The following NEK11 variants were observed in gnomAD, a reference collection of about 807,000 sequenced individuals.
NEK11 encodes NIMA related kinase 11, also known as serine/threonine-protein kinase Nek11.
In NEK11, 72 loss-of-function variants were observed where a neutral mutation model predicts 80.7. The observed-to-expected ratio is 0.89, with a 90% CI of 0.74 to 1.08. The LOEUF is 1.08. NEK11 is among the 50% of genes least tolerant of loss of function. NEK11 has a pLI of 0.00. For synonymous variants in NEK11, 251 were observed against 260.7 expected (o/e 0.96, Z 0.36); for missense variants, 764 against 763.6 (o/e 1.00, Z -0.01).
chr3:131,099,607 T>A (rs1224182859), intron 4 of NEK11, among the ~76,000 whole-genome samples: 1 of 152,214 alleles, frequency 6.6e-6, no homozygotes, highest in African/African-American at 2.4e-5. Context: ...AAGTATGGAA[T>A]GTTTTTTCCA....
chr3:131,170,076 A>T (rs2092578292), intron 13 of NEK11, among the ~76,000 whole-genome samples: 2 of 152,156 alleles, frequency 1.3e-5, no homozygotes, highest in Admixed American at 1.3e-4. Flanking sequence ...TTTCTTTTAA[A>T]TTTTCTTTTA....
intron 17 of NEK11, among the ~76,000 whole-genome samples, chr3:131,306,723 T>G (rs1236666260): frequency 6.6e-6 from 1 of 152,200 alleles, no homozygotes; most frequent in Non-Finnish European, 1.5e-5. Flanking sequence ...TTCCCCCTAC[T>G]GGAAGCATGG....
intron 17 of NEK11, among the ~76,000 whole-genome samples, chr3:131,312,449 C>G (rs2096791490): frequency 6.6e-6 from 1 of 152,094 alleles, no homozygotes; most frequent in African/African-American, 2.4e-5. Flanking sequence ...TTCTAAGCTT[C>G]AACATATGTA....
intron 5 of NEK11, among the ~76,000 whole-genome samples, chr3:131,114,007 G>T (rs1389572546): frequency 6.6e-6 from 1 of 151,868 alleles, no homozygotes. Context: ...TGTATTTCTG[G>T]GAATTTGGAG....
chr3:131,235,876 A>G (rs2095422596), intron 15 of NEK11, among the ~76,000 whole-genome samples: 1 of 152,210 alleles, frequency 6.6e-6, no homozygotes. Flanking sequence ...TAAGTATAGA[A>G]CTTAATGTAG....
chr3:131,328,345 A>AT (rs1407652296), intron 17 of NEK11: 9 of 152,032 alleles, frequency 5.9e-5, no homozygotes, highest in Non-Finnish European at 1.3e-4. Flanking sequence ...TGACAGGAAT[A>AT]TTGTTTTAAA....
At chr3:131,124,830 T>C (rs1303093591) in intron 5 of NEK11, among the ~76,000 whole-genome samples, 1 of 152,204 alleles carries the variant, frequency 6.6e-6, no homozygotes, top group Non-Finnish European at 1.5e-5. Flanking sequence ...AACAGACCTA[T>C]GTGAGAATAG....
At chr3:131,266,301 G>A (rs371406388) in intron 16 of NEK11, among the ~76,000 whole-genome samples, 21 of 152,238 alleles carry the variant, frequency 1.4e-4, no homozygotes, top group African/African-American at 4.8e-4. Context: ...TGTGATGTTA[G>A]GGTGTCAATT....
At chr3:131,223,914 C>T (rs1013349385) in intron 14 of NEK11, among the ~76,000 whole-genome samples, 21 of 151,972 alleles carry the variant, frequency 1.4e-4, no homozygotes, top group South Asian at 2.1e-4. Context: ...AGAAATTATT[C>T]TATTTAAAAT....
intron 17 of NEK11, among the ~76,000 whole-genome samples, chr3:131,346,090 G>A (rs72993143): frequency 0.12 from 18,153 of 152,056 alleles, 1,536 homozygotes; most frequent in East Asian, 0.3. Flanking sequence ...CAGTAGATAC[G>A]TAGGATGGAC....
intron 14 of NEK11, among the ~76,000 whole-genome samples, chr3:131,200,155 T>C (rs2094171886): frequency 6.6e-6 from 1 of 152,188 alleles, no homozygotes; most frequent in Admixed American, 6.5e-5. Flanking sequence ...AGGAAACTAA[T>C]TGCTAATCTA....
rs560323043 is a variant in NEK11, at chr3:131,043,932, A to G, written c.170+14054A>G. On this transcript the variant is annotated intron_variant, in intron 3 of 17. Transcript: ENST00000383366. ...ACAGACCTCTCTGCAGAAACCCTACATGCCAGAAGAGAGTGGGGGCCAATA... is the reference window on the plus strand; with the variant it reads ...ACAGACCTCTCTGCAGAAACCCTACGTGCCAGAAGAGAGTGGGGGCCAATA... Among the ~76,000 whole-genome samples the G allele has an allele frequency of 3.9e-5, 6 of 152,328 alleles. No individual in the cohort carries two copies. In the South Asian group the frequency reaches 1.2e-3, roughly 32 times the overall value.
At chr3:131,086,996 AT>A (rs1241251718) in intron 4 of NEK11, among the ~76,000 whole-genome samples, 1 of 152,146 alleles carries the variant, frequency 6.6e-6, no homozygotes, top group East Asian at 1.9e-4. Flanking sequence ...AGTATAACAT[AT>A]ATTTTGTTTT....
intron 16 of NEK11, among the ~76,000 whole-genome samples, chr3:131,255,435 A>C (rs533552023): frequency 3.7e-4 from 56 of 152,304 alleles, no homozygotes; most frequent in Non-Finnish European, 7.1e-4. Flanking sequence ...GTACTTTAAA[A>C]AAATAAAACA....
chr3:131,196,074 A>G (rs1039508349), intron 14 of NEK11, among the ~76,000 whole-genome samples: 8 of 151,734 alleles, frequency 5.3e-5, no homozygotes, highest in Non-Finnish European at 8.8e-5. Context: ...GAATATGAAA[A>G]ATGATTATTA....
At chr3:131,295,318 A>G (rs572285698) in intron 17 of NEK11, among the ~76,000 whole-genome samples, 1 of 151,544 alleles carries the variant, frequency 6.6e-6, no homozygotes, top group Non-Finnish European at 1.5e-5. Context: ...TGGATTTGGG[A>G]ATATTTGGTT....
At chr3:131,290,026 G>A (rs1242104924) in intron 17 of NEK11, among the ~76,000 whole-genome samples, 1 of 152,218 alleles carries the variant, frequency 6.6e-6, no homozygotes, top group Admixed American at 6.5e-5. Context: ...GATTGAAGCA[G>A]ACAACTGAGT....
chr3:131,099,430 G>C (rs1358045439), intron 4 of NEK11, among the ~76,000 whole-genome samples: 1 of 152,056 alleles, frequency 6.6e-6, no homozygotes, highest in Non-Finnish European at 1.5e-5. Context: ...CTTTTCCTTA[G>C]GATTGCTTTG....
At chr3:131,233,031 AGG>A (rs1404526304) in intron 15 of NEK11, among the ~76,000 whole-genome samples, 1 of 137,064 alleles carries the variant, frequency 7.3e-6, no homozygotes, top group Admixed American at 7.2e-5. Flanking sequence ...GAAGGAAGGA[AGG>A]AAGGTTGGAT....
Sources: allele counts gnomAD v4.1 joint callset (sites outside exome capture counted in the v4.1 genomes callset), GRCh38; gene constraint gnomAD v4.1.1; transcripts MANE v1.5; gene names NCBI Gene and HGNC (gene_info 2026-07-23, HGNC 2026-07-21).